Variants in RAP1GDS1 observed in about 807,000 individuals in gnomAD.
The protein encoded by RAP1GDS1 is Rap1 GTPase-GDP dissociation stimulator 1, also known as RAP1, GTP-GDP dissociation stimulator 1.
A neutral mutation model predicts 71.1 loss-of-function variants in RAP1GDS1; 35 were observed. The observed-to-expected ratio is 0.49, with a 90% CI of 0.38 to 0.65. The LOEUF (loss-of-function observed/expected upper bound fraction) is 0.65, where lower values mean the gene tolerates loss of function less well. RAP1GDS1 is among the 30% of genes least tolerant of loss of function. The pLI, the probability that RAP1GDS1 is intolerant of heterozygous loss-of-function variation, is 0.00. For missense variants in RAP1GDS1, 663 were observed against 706.1 expected (o/e 0.94, Z 0.69); for synonymous variants, 229 against 243.1 (o/e 0.94, Z 0.54).
At chr4:98,335,079 G>A (rs1182718028) in intron 2 of RAP1GDS1, among the ~76,000 whole-genome samples, 1 of 152,024 alleles carries the variant, frequency 6.6e-6, no homozygotes. Context: ...ATGAGAATAG[G>A]CCATAAGATG....
intron 7 of RAP1GDS1, among the ~76,000 whole-genome samples, chr4:98,407,461 G>A (rs1470003920): frequency 6.6e-6 from 1 of 150,520 alleles, no homozygotes; most frequent in African/African-American, 2.5e-5. Context: ...AGAAAATGGG[G>A]TGTGTATACA....
rs1748117826 is a variant in RAP1GDS1 at position 98,416,897 on chromosome 4, T to C, written c.907+9T>C. 1 of 1,609,934 alleles carries C rather than the reference T, an allele frequency of 6.2e-7. No homozygotes were observed. Among genetic ancestry groups the C allele is most frequent in the Non-Finnish European group, 8.5e-7 (1 of 1,178,654 alleles). On this transcript the variant is annotated intron_variant, in intron 8 of 14. Transcript: ENST00000408927. ...TTTATTACTTCTTGGAGGTGAGTTG[T>C]AATTTATGCCAGCCAAAGAATGTGG...
At chr4:98,270,153 C>T (rs1192661527) in intron 1 of RAP1GDS1, among the ~76,000 whole-genome samples, 1 of 152,136 alleles carries the variant, frequency 6.6e-6, no homozygotes, top group African/African-American at 2.4e-5. Flanking sequence ...CTCTGGTAAG[C>T]TCTTTTTATA....
At chr4:98,320,079 T>C (rs1731575365) in intron 2 of RAP1GDS1, among the ~76,000 whole-genome samples, 1 of 152,230 alleles carries the variant, frequency 6.6e-6, no homozygotes, top group Non-Finnish European at 1.5e-5. Context: ...TTTGTTTTTC[T>C]GTAGCTTACT....
chr4:98,298,424 A>T (rs981919555), intron 2 of RAP1GDS1, among the ~76,000 whole-genome samples: 2 of 152,186 alleles, frequency 1.3e-5, no homozygotes, highest in Admixed American at 1.3e-4. Context: ...CTCTCTTATT[A>T]GGGGCTAATG....
intron 6 of RAP1GDS1, among the ~76,000 whole-genome samples, chr4:98,397,356 A>C (rs940652139): frequency 3.3e-5 from 5 of 152,144 alleles, no homozygotes; most frequent in Non-Finnish European, 5.9e-5. Flanking sequence ...TTCAGTAAAG[A>C]GATTTCTTCT....
rs528892927 is a variant in RAP1GDS1, at chr4:98,314,759, G to A, written c.112+21244G>A. ...TATATTATATAATGGAGCTGATTACGAAGTGTTGTAGAAACAGAGATATGG... is the reference window on the plus strand; with the variant it reads ...TATATTATATAATGGAGCTGATTACAAAGTGTTGTAGAAACAGAGATATGG... On this transcript the variant is annotated intron_variant, in intron 2 of 14. Coordinates refer to ENST00000408927, the MANE Select transcript of RAP1GDS1 (RefSeq NM_001100427.2). 3.9e-5 allele frequency among the ~76,000 whole-genome samples: 6 copies of A among 152,258 alleles called. 1 individual carries two copies. The highest frequency in any genetic ancestry group is 1.4e-4 in the African/African-American group (6 of 41,554).
At chr4:98,417,584 C>G (rs1300835471) in intron 9 of RAP1GDS1, 86 bp downstream of exon 9, 8 of 1,388,472 alleles carry the variant, frequency 5.8e-6, no homozygotes, top group Non-Finnish European at 7.9e-6. Flanking sequence ...AAAACTGGAA[C>G]AGTTTAGAAG....
intron 1 of RAP1GDS1, among the ~76,000 whole-genome samples, chr4:98,268,675 G>A (rs925291553): frequency 6.6e-5 from 10 of 151,920 alleles, no homozygotes; most frequent in Admixed American, 2.0e-4. Context: ...TACACTAACA[G>A]CAAACTTTCT....
At chr4:98,297,263 C>T (rs1219227407) in intron 2 of RAP1GDS1, among the ~76,000 whole-genome samples, 1 of 151,968 alleles carries the variant, frequency 6.6e-6, no homozygotes, top group Non-Finnish European at 1.5e-5. Flanking sequence ...AGCCCTTGTT[C>T]TTTATTTCAT....
intron 7 of RAP1GDS1, among the ~76,000 whole-genome samples, chr4:98,404,953 T>C (rs971210582): frequency 6.6e-6 from 1 of 152,162 alleles, no homozygotes; most frequent in Non-Finnish European, 1.5e-5. Context: ...ACAGTGAAGA[T>C]ACTGGTTAAT....
intron 2 of RAP1GDS1, among the ~76,000 whole-genome samples, chr4:98,326,457 A>G (rs538712480): frequency 6.6e-6 from 1 of 152,252 alleles, no homozygotes; most frequent in South Asian, 2.1e-4. Flanking sequence ...TTCTAGGATT[A>G]TACTTGAAAG....
chr4:98,286,868 G>A lies in RAP1GDS1; in HGVS notation c.5-6540G>A, dbSNP rs191322325. 7.9e-4 allele frequency among the ~76,000 whole-genome samples: 103 copies of A among 129,678 alleles called. 1 individual carries two copies. The highest frequency in any genetic ancestry group is 2.9e-3 in the African/African-American group (96 of 33,416). The allele number at this position is 129,678 out of a possible 152,430, so 85.1% of individuals were successfully genotyped here. A position where few individuals can be genotyped will look rare whatever the true frequency, so the allele number is the denominator to read the frequency against. ...GTCATTGCACTTCAGCCTGGGCAAC[G>A]AGAGTGAAACTCCGTCTTAAAAAAA... On this transcript the variant is annotated intron_variant, in intron 1 of 14. Transcript: ENST00000408927.
At chr4:98,285,899 C>CATTATAAAT (rs200205938) in intron 1 of RAP1GDS1, among the ~76,000 whole-genome samples, 23,875 of 145,774 alleles carry the variant, frequency 0.16, 3,137 homozygotes, top group African/African-American at 0.36. Context: ...TGTAAATAAA[C>CATTATAAAT]ATTATAAATT....
intron 6 of RAP1GDS1, among the ~76,000 whole-genome samples, chr4:98,403,066 C>G (rs1371252412): frequency 6.6e-6 from 1 of 151,992 alleles, no homozygotes. Context: ...TGTCTACCTC[C>G]TACATACACA....
chr4:98,386,137 A>G (rs957754800), intron 5 of RAP1GDS1, among the ~76,000 whole-genome samples: 27 of 151,856 alleles, frequency 1.8e-4, no homozygotes, highest in African/African-American at 6.3e-4. Context: ...CAGAATAAAC[A>G]TATCTATAGA....
chr4:98,347,801 C>T (rs1171787414), intron 3 of RAP1GDS1, among the ~76,000 whole-genome samples: 1 of 152,032 alleles, frequency 6.6e-6, no homozygotes, highest in Non-Finnish European at 1.5e-5. Flanking sequence ...GGAAATCCTT[C>T]AAAGTAGACC....
At chr4:98,264,394 C>T (rs1457302336) in intron 1 of RAP1GDS1, among the ~76,000 whole-genome samples, 1 of 151,776 alleles carries the variant, frequency 6.6e-6, no homozygotes, top group Non-Finnish European at 1.5e-5. Context: ...GAAACTCTGT[C>T]TCAAAAAAAA....
At chr4:98,282,287 A>T (rs1008146669) in intron 1 of RAP1GDS1, among the ~76,000 whole-genome samples, 1 of 151,772 alleles carries the variant, frequency 6.6e-6, no homozygotes, top group Non-Finnish European at 1.5e-5. Context: ...CAATTTCAGA[A>T]CCTGTTATTG....
Sources: gnomAD v4.1 joint callset for allele counts (sites outside exome capture counted in the v4.1 genomes callset) on GRCh38, gnomAD v4.1.1 for gene constraint, MANE v1.5 for transcripts, NCBI Gene and HGNC (gene_info 2026-07-23, HGNC 2026-07-21) for gene names.